The following JADE1 variants were observed in gnomAD, a reference collection of about 807,000 sequenced individuals.
The protein encoded by JADE1 is jade family PHD finger 1.
Under a neutral mutation model 81.8 loss-of-function variants are expected in JADE1, and 14 were observed. That is an observed-to-expected ratio of 0.17 (90% CI 0.11 to 0.27). JADE1 has a LOEUF of 0.27. Ranked by LOEUF, JADE1 falls within the 10% of genes least tolerant of loss-of-function variation. JADE1 has a pLI of 1.00. For synonymous variants in JADE1, 353 were observed against 391.9 expected (o/e 0.90, Z 1.17); for missense variants, 690 against 1,047.9 (o/e 0.66, Z 4.71).
intron 2 of JADE1, among the ~76,000 whole-genome samples, chr4:128,838,249 C>T (rs1729142987): frequency 1.3e-5 from 2 of 152,154 alleles, no homozygotes; most frequent in South Asian, 4.1e-4. Flanking sequence ...TTTCCCCACT[C>T]AGTCTTTCCC....
intron 2 of JADE1, among the ~76,000 whole-genome samples, chr4:128,832,497 T>C (rs1728637734): frequency 6.6e-6 from 1 of 152,246 alleles, no homozygotes; most frequent in Non-Finnish European, 1.5e-5. Flanking sequence ...TCTAGCCCGT[T>C]AGCTTATGTT....
chr4:128,812,481 C>T (rs1048809975), intron 1 of JADE1, among the ~76,000 whole-genome samples: 2 of 152,058 alleles, frequency 1.3e-5, no homozygotes, highest in African/African-American at 4.8e-5. Flanking sequence ...CTTCTCACGT[C>T]CCCTCTCACT....
At chr4:128,842,816 C>A in intron 2 of JADE1, 137 bp from the exon 3 acceptor site, 1 of 696,798 alleles carries the variant, frequency 1.4e-6, no homozygotes, top group Non-Finnish European at 2.6e-6. Flanking sequence ...TCTGTGAGAG[C>A]CAGGAGGGCA....
At chr4:128,844,102 G>A (rs1429451096) in intron 3 of JADE1, among the ~76,000 whole-genome samples, 1 of 152,090 alleles carries the variant, frequency 6.6e-6, no homozygotes, top group Non-Finnish European at 1.5e-5. Flanking sequence ...TGTCTCTGCT[G>A]CTCTTTATTT....
At chr4:128,823,079 CT>C (rs956251352) in intron 1 of JADE1, among the ~76,000 whole-genome samples, 2 of 152,074 alleles carry the variant, frequency 1.3e-5, no homozygotes, top group African/African-American at 4.8e-5. Flanking sequence ...GACTGACTGC[CT>C]TTTTTGTTTG....
intron 1 of JADE1, among the ~76,000 whole-genome samples, chr4:128,830,453 C>T (rs1032820634): frequency 6.6e-6 from 1 of 152,112 alleles, no homozygotes; most frequent in African/African-American, 2.4e-5. Context: ...AGGCTGGTCT[C>T]CAACTCCTGA....
At chr4:128,811,806 GC>G (rs2125776214) in intron 1 of JADE1, 1 of 151,912 alleles carries the variant, frequency 6.6e-6, no homozygotes, top group African/African-American at 2.4e-5. Context: ...TTGGTTCCGC[GC>G]CGCCTTCCTC....
intron 2 of JADE1, among the ~76,000 whole-genome samples, chr4:128,839,483 A>T (rs993542621): frequency 2.6e-5 from 4 of 152,220 alleles, no homozygotes; most frequent in African/African-American, 9.6e-5. Flanking sequence ...AGCCTCATAT[A>T]TTTAAATTGT....
In JADE1 at chr4:128,810,018, G is replaced by T. The variant is rs372142484; in HGVS notation, c.-27+141G>T. On this transcript the variant is annotated intron_variant, in intron 1 of 10. Coordinates refer to ENST00000226319, the MANE Select transcript of JADE1 (RefSeq NM_199320.4). ...GGCGGCGGCGGCTGCAGGACGAGCC[G>T]AGAGGCTCAGCCATATTTGATGGTT... 1.6e-3 allele frequency: 255 copies of T among 161,824 alleles called. 5 individuals carry two copies. Among genetic ancestry groups the T allele is most frequent in the East Asian group, 0.014 (76 of 5,576 alleles). The allele number at this position is 161,824 out of a possible 1,614,324, so 10.0% of individuals were successfully genotyped here.
At position 128,867,920 on chromosome 4, in the gene JADE1, AG is replaced by A; in HGVS notation, c.1570del (p.Glu524AsnfsTer46). On this transcript the variant is annotated frameshift_variant, in exon 10 of 11. Transcript: ENST00000226319. LOFTEE classifies it high-confidence loss of function. The part of the protein sequence containing the change: ...EKIKRSVCKV[Q>X]EQIFNLYTKL... ...ATTAAACGGTCTGTGTGCAAAGTCC[AG>A]GAACAGATATTCAATCTTTACACTA... 1 of 1,613,986 alleles carries A rather than the reference AG, an allele frequency of 6.2e-7. No individual in the cohort carries two copies. The highest frequency in any genetic ancestry group is 8.5e-7 in the Non-Finnish European group (1 of 1,179,840).
chr4:128,863,139 C>T, intron 9 of JADE1: 3 of 985,562 alleles, frequency 3.0e-6, no homozygotes, highest in South Asian at 4.7e-5. Flanking sequence ...TGTGCCTCCC[C>T]CACTTTCCAT....
chr4:128,839,492 G>A (rs150543131), intron 2 of JADE1, among the ~76,000 whole-genome samples: 2 of 152,264 alleles, frequency 1.3e-5, no homozygotes, highest in Admixed American at 1.3e-4. Context: ...TATTTAAATT[G>A]TGTACTTTGA....
chr4:128,823,193 A>T (rs551826795), intron 1 of JADE1, among the ~76,000 whole-genome samples: 203 of 152,186 alleles, frequency 1.3e-3, no homozygotes, highest in Middle Eastern at 6.8e-3. Context: ...TCAGTTGCTG[A>T]CTCTTAATTG....
chr4:128,858,104 T>TGTGTGAGA (rs372735641), intron 8 of JADE1, among the ~76,000 whole-genome samples: 3 of 152,126 alleles, frequency 2.0e-5, no homozygotes, highest in African/African-American at 7.2e-5. Flanking sequence ...TGTGTGTGTG[T>TGTGTGAGA]GAGCGTGAGC....
At chr4:128,852,535 G>A (rs1484353631) in intron 6 of JADE1, among the ~76,000 whole-genome samples, 1 of 152,080 alleles carries the variant, frequency 6.6e-6, no homozygotes, top group East Asian at 1.9e-4. Flanking sequence ...TAAAAGTCAA[G>A]TTTACTTAAA....
intron 10 of JADE1, among the ~76,000 whole-genome samples, 186 bp downstream of exon 10, chr4:128,868,159 TC>T (rs1731920835): frequency 6.6e-6 from 1 of 152,232 alleles, no homozygotes; most frequent in Non-Finnish European, 1.5e-5. Context: ...GAATTTGCCC[TC>T]TATAAATATG....
intron 1 of JADE1, among the ~76,000 whole-genome samples, chr4:128,829,082 C>G (rs1435336318): frequency 2.0e-5 from 3 of 152,150 alleles, no homozygotes; most frequent in Admixed American, 2.0e-4. Flanking sequence ...GGTGCATTCT[C>G]TAGAAGGTTG....
At position 128,875,004 on chromosome 4, in the gene JADE1, GAAAAA is replaced by G. The variant is rs3069727; in HGVS notation, c.*2751_*2755del. The G allele has an allele frequency of 7.6e-6, 1 of 132,112 alleles. No individual in the cohort carries two copies. Among genetic ancestry groups the G allele is most frequent in the Non-Finnish European group, 1.7e-5 (1 of 58,558 alleles). 8.2% of individuals were successfully genotyped at this position (132,112 alleles called of 1,614,324 possible). ...GCTTGGTGTCCATTCAGCTAAAATT[GAAAAA>G]AAAAAAAAGGTGCATGAAGAGTTAA... On this transcript the variant is annotated 3_prime_UTR_variant, in exon 11 of 11. Coordinates refer to ENST00000226319, the MANE Select transcript of JADE1 (RefSeq NM_199320.4).
intron 1 of JADE1, among the ~76,000 whole-genome samples, chr4:128,811,064 T>A (rs117413947): frequency 6.6e-6 from 1 of 152,296 alleles, no homozygotes; most frequent in East Asian, 1.9e-4. Flanking sequence ...CCTGTGAGTC[T>A]GTGTTTGCGA....
Sources: allele counts gnomAD v4.1 joint callset (sites outside exome capture counted in the v4.1 genomes callset), GRCh38; gene constraint gnomAD v4.1.1; transcripts MANE v1.5; gene names NCBI Gene and HGNC (gene_info 2026-07-23, HGNC 2026-07-21).